NAA35: variants seen among roughly 807,000 people sequenced by gnomAD.
NAA35 encodes the protein N-alpha-acetyltransferase 35, NatC auxiliary subunit, also known as MAK10 homolog, amino-acid N-acetyltransferase subunit.
Under a neutral mutation model 101.7 loss-of-function variants are expected in NAA35, and 18 were observed. The observed-to-expected ratio is 0.18, with a 90% confidence interval of 0.12 to 0.26. The LOEUF (loss-of-function observed/expected upper bound fraction) is 0.26. NAA35 is among the 10% of genes least tolerant of loss of function. The pLI is 1.00. For synonymous variants in NAA35, 267 were observed against 273.1 expected (o/e 0.98, Z 0.22); for missense variants, 601 against 886.8 (o/e 0.68, Z 4.09).
chr9:85,955,347 TA>T (rs1564288008), intron 2 of NAA35, among the ~76,000 whole-genome samples: 2,126 of 77,262 alleles, frequency 0.028, 64 homozygotes, highest in African/African-American at 0.086. Flanking sequence ...TATATATATA[TA>T]TATATATATA....
At chr9:85,972,954 A>C (rs1253163663) in intron 6 of NAA35, among the ~76,000 whole-genome samples, 1 of 152,222 alleles carries the variant, frequency 6.6e-6, no homozygotes, top group Non-Finnish European at 1.5e-5. Context: ...GTGGTGATTA[A>C]GTGCCATGAA....
chr9:86,016,441 C>A, intron 17 of NAA35, 98 bp from the exon 18 acceptor site: 2 of 1,021,222 alleles, frequency 2.0e-6, no homozygotes, highest in Non-Finnish European at 1.4e-6. Flanking sequence ...TTTTTAAAGA[C>A]CTAAAGCATT....
chr9:85,996,661 T>A, intron 12 of NAA35, 84 bp downstream of exon 12: 5 of 1,107,958 alleles, frequency 4.5e-6, no homozygotes, highest in Non-Finnish European at 3.8e-6. Context: ...ATGTGGTAAC[T>A]TTGGTTTAAC....
chr9:85,946,033 A>G (rs1344679654), intron 2 of NAA35, among the ~76,000 whole-genome samples: 8 of 151,948 alleles, frequency 5.3e-5, no homozygotes, highest in Non-Finnish European at 8.8e-5. Context: ...TTTCTAAATT[A>G]TTTATAATTT....
chr9:85,954,719 T>G (rs889947449), intron 2 of NAA35, among the ~76,000 whole-genome samples: 1 of 152,132 alleles, frequency 6.6e-6, no homozygotes, highest in Non-Finnish European at 1.5e-5. Context: ...CTGCAGCAGT[T>G]TTGCCCTCCA....
rs1317355816 is a variant in NAA35 at position 86,025,290 on chromosome 9, G to T, written c.*3330G>T. On this transcript the variant is annotated 3_prime_UTR_variant, in exon 23 of 23. Transcript: ENST00000361671. Reference sequence around the variant, plus strand: ...GAGCCCATTGAACTTGGCAAGTAAAGATTGCTGGCGACTGGGGCGAGCTCT... The same window carrying T: ...GAGCCCATTGAACTTGGCAAGTAAATATTGCTGGCGACTGGGGCGAGCTCT... Among the ~76,000 whole-genome samples, 1 of 152,114 alleles carries T rather than the reference G, an allele frequency of 6.6e-6. No homozygotes were observed. The highest frequency in any genetic ancestry group is 1.5e-5 in the Non-Finnish European group (1 of 68,026).
intron 11 of NAA35, among the ~76,000 whole-genome samples, chr9:85,981,176 T>A (rs1228208624): frequency 1.3e-5 from 2 of 152,148 alleles, no homozygotes; most frequent in Non-Finnish European, 2.9e-5. Flanking sequence ...AGTGTGTTTA[T>A]AGGATGAGTG....
intron 12 of NAA35, among the ~76,000 whole-genome samples, chr9:86,000,037 C>T (rs1380206343): frequency 6.6e-6 from 1 of 151,948 alleles, no homozygotes; most frequent in Admixed American, 6.6e-5. Flanking sequence ...AACACTTGGC[C>T]TGCCTTGGAC....
intron 6 of NAA35, among the ~76,000 whole-genome samples, 194 bp from the exon 7 acceptor site, chr9:85,974,773 G>C (rs560597823): frequency 9.2e-5 from 14 of 152,198 alleles, no homozygotes; most frequent in African/African-American, 3.1e-4. Flanking sequence ...ATTTGAATAT[G>C]GTGTTTTAAG....
chr9:85,991,896 C>T (rs749319068), intron 11 of NAA35, among the ~76,000 whole-genome samples: 4 of 152,036 alleles, frequency 2.6e-5, no homozygotes, highest in Non-Finnish European at 4.4e-5. Flanking sequence ...GTGGATGGGC[C>T]GGGCGTGGTG....
At chr9:85,983,842 G>T (rs901874674) in intron 11 of NAA35, among the ~76,000 whole-genome samples, 6 of 151,892 alleles carry the variant, frequency 4.0e-5, no homozygotes, top group African/African-American at 1.5e-4. Flanking sequence ...TAAGTAGGAA[G>T]TTTAGAATAC....
chr9:85,948,394 C>T (rs540414390), intron 2 of NAA35, among the ~76,000 whole-genome samples: 3 of 152,156 alleles, frequency 2.0e-5, no homozygotes, highest in Non-Finnish European at 4.4e-5. Context: ...CATTGGAGAT[C>T]CTGTTGGTTT....
In NAA35 at chr9:85,956,346, CTT is replaced by C. The variant is rs374157527; in HGVS notation, c.125-4_125-3del. 5.8e-4 allele frequency: 621 copies of C among 1,066,876 alleles called. No individual in the cohort carries two copies. Among genetic ancestry groups the C allele is most frequent in the Middle Eastern group, 1.0e-3 (4 of 3,852 alleles). The allele number at this position is 1,066,876 out of a possible 1,614,324, so 66.1% of individuals were successfully genotyped here. A position where few individuals can be genotyped will look rare whatever the true frequency, so the allele number is the denominator to read the frequency against. ...ATAAATATGTTCAAAGGGTTTTTCT[CTT>C]TTTTTTTTTAGAATTAAAGTTGGGA... On this transcript the variant is annotated splice_polypyrimidine_tract_variant and intron_variant, in intron 2 of 22. Transcript: ENST00000361671.
At chr9:85,962,490 CAAAAAAA>C (rs781302881) in intron 6 of NAA35, among the ~76,000 whole-genome samples, 7 of 85,928 alleles carry the variant, frequency 8.1e-5, no homozygotes, top group Admixed American at 1.5e-4. Flanking sequence ...GACTCTGTCT[CAAAAAAA>C]AAAAAAAAAA....
chr9:86,016,067 G>T (rs1237554069), intron 17 of NAA35, among the ~76,000 whole-genome samples: 1 of 151,732 alleles, frequency 6.6e-6, no homozygotes, highest in Non-Finnish European at 1.5e-5. Context: ...TGGCTTAGCA[G>T]TGTTAAAGTT....
At chr9:85,977,014 T>C (rs991659513) in intron 9 of NAA35, among the ~76,000 whole-genome samples, 2 of 152,132 alleles carry the variant, frequency 1.3e-5, no homozygotes, top group Admixed American at 6.5e-5. Flanking sequence ...GTATCAAAAG[T>C]TGCTGAACCT....
intron 6 of NAA35, among the ~76,000 whole-genome samples, chr9:85,965,954 A>G (rs1829725589): frequency 6.6e-6 from 1 of 152,072 alleles, no homozygotes; most frequent in Non-Finnish European, 1.5e-5. Context: ...ATTGAATTTT[A>G]TTTCTAGGGG....
Position 86,023,853 on chromosome 9 carries a change from G to A in NAA35, c.*1893G>A, listed in dbSNP as rs566992948. On this transcript the variant is annotated 3_prime_UTR_variant, in exon 23 of 23. Transcript: ENST00000361671. ...TTCCTTTAAGTAGCTTTAATTTTTG[G>A]TTTTTAGTTTGTTTAGAGAGGAGGT... Among the ~76,000 whole-genome samples, 1 of 152,184 alleles carries A rather than the reference G, an allele frequency of 6.6e-6. No homozygotes were observed. Among genetic ancestry groups the A allele is most frequent in the Admixed American group, 6.5e-5 (1 of 15,282 alleles).
intron 11 of NAA35, among the ~76,000 whole-genome samples, chr9:85,982,636 C>T (rs1352627996): frequency 6.6e-6 from 1 of 152,108 alleles, no homozygotes; most frequent in East Asian, 1.9e-4. Context: ...AATAGATACT[C>T]TTGGGGAGTG....
Sources: allele counts gnomAD v4.1 joint callset (sites outside exome capture counted in the v4.1 genomes callset), GRCh38; gene constraint gnomAD v4.1.1; transcripts MANE v1.5; gene names NCBI Gene and HGNC (gene_info 2026-07-23, HGNC 2026-07-21).